HPS1: variants seen among roughly 807,000 people sequenced by gnomAD.
The protein encoded by HPS1 is HPS1 biogenesis of lysosomal organelles complex 3 subunit 1.
A neutral mutation model predicts 90.6 loss-of-function variants in HPS1; 59 were observed. The ratio of observed to expected loss-of-function variants is 0.65; its 90% CI spans 0.53 to 0.81. HPS1 has a LOEUF of 0.81. Ranked by LOEUF, HPS1 falls within the 30% of genes least tolerant of loss-of-function variation. HPS1 has a pLI of 0.00. For missense variants in HPS1, 849 were observed against 896.7 expected (o/e 0.95, Z 0.68); for synonymous variants, 388 against 384.4 (o/e 1.01, Z -0.11).
Position 98,443,180 on chromosome 10 carries a change from C to G in HPS1, c.61G>C (p.Glu21Gln). The change falls in exon 3 of 20, where the codon GAG becomes CAG. Residue 21 changes from glutamate (E) to glutamine (Q), a missense_variant. Transcript: ENST00000361490. Reference sequence around the variant, plus strand: ...TTCAGCCGGAGACTCTCTTCAAACTCCTGATCTGTCCAGTAGAAGAGGACC... The same window carrying G: ...TTCAGCCGGAGACTCTCTTCAAACTGCTGATCTGTCCAGTAGAAGAGGACC... ...AEVLFYWTDQ[E>Q]FEESLRLKFG... 2 of 1,614,134 alleles carry G rather than the reference C, an allele frequency of 1.2e-6. No individual in the cohort carries two copies. The highest frequency in any genetic ancestry group is 1.7e-6 in the Non-Finnish European group (2 of 1,180,016).
downstream of HPS1, among the ~76,000 whole-genome samples, chr10:98,415,775 A>C (rs113195335): frequency 0.36 from 54,837 of 151,952 alleles, 11,066 homozygotes; most frequent in African/African-American, 0.53. Flanking sequence ...TCAAACACAA[A>C]CCCACAACGA....
In HPS1 at chr10:98,435,050, C is replaced by G; in HGVS notation, c.398+222G>C. 3 of 580,772 alleles carry G rather than the reference C, an allele frequency of 5.2e-6. No homozygotes were observed. The highest frequency in any genetic ancestry group is 9.2e-6 in the Non-Finnish European group (3 of 326,708). The allele number at this position is 580,772 out of a possible 1,614,324, so 36.0% of individuals were successfully genotyped here. ...TGTGGCCACCAACCAGCTAGATGAC[C>G]CCAGGCAAGTGAGTTCCATTCTCTG... On this transcript the variant is annotated intron_variant, in intron 5 of 19. Transcript: ENST00000361490. The surrounding 1 kb of genome is among the most constrained non-coding windows in gnomAD (Gnocchi z 4.3).
At position 98,435,325 on chromosome 10, in the gene HPS1, C is replaced by G; in HGVS notation, c.345G>C (p.Leu115=). 1 of 1,614,010 alleles carries G rather than the reference C, an allele frequency of 6.2e-7. No individual in the cohort carries two copies. The highest frequency in any genetic ancestry group is 8.5e-7 in the Non-Finnish European group (1 of 1,180,016). ...LRRKLYVLKY[L]FEVHFGLVTV... ...TCACCAGCCCAAAGTGCACTTCAAA[C>G]AGGTACTTGAGCACATACAGCTTCC... The change falls in exon 5 of 20, where the codon CTG becomes CTC. Residue 115 remains leucine (L), a synonymous_variant. Coordinates refer to ENST00000361490, the MANE Select transcript of HPS1 (RefSeq NM_000195.5). This position sits in a 1 kb window ranked among gnomAD's most constrained non-coding sequence, Gnocchi z 4.3.
At position 98,417,779 on chromosome 10, in the gene HPS1, AGC is replaced by A; in HGVS notation, c.1941-55_1941-54del. The A allele has an allele frequency of 6.4e-7, 1 of 1,558,110 alleles. No homozygotes were observed. The highest frequency in any genetic ancestry group is 8.8e-7 in the Non-Finnish European group (1 of 1,130,524). On this transcript the variant is annotated intron_variant, in intron 19 of 19. Transcript: ENST00000361490. The surrounding 1 kb of genome is among the most constrained non-coding windows in gnomAD (Gnocchi z 4.2). Reference sequence around the variant, plus strand: ...AGGAGTGAGGCTGTGGCACTCCTCCAGCGCCAGAGGCCTCTCTGGGCCCTCGC... The same window carrying A: ...AGGAGTGAGGCTGTGGCACTCCTCCAGCCAGAGGCCTCTCTGGGCCCTCGC...
Position 98,435,202 on chromosome 10 carries a change from T to A in HPS1, c.398+70A>T. On this transcript the variant is annotated intron_variant, in intron 5 of 19. Transcript: ENST00000361490. This position sits in a 1 kb window ranked among gnomAD's most constrained non-coding sequence, Gnocchi z 4.3. ...TGAAAAATGGCAGCTTCACAGGGGC[T>A]GGGCACACGCTGCCTGGCCCAGCGA... 6.3e-7 allele frequency: 1 copy of A among 1,598,888 alleles called. No homozygotes were observed. Among genetic ancestry groups the A allele is most frequent in the Admixed American group, 1.7e-5 (1 of 60,004 alleles).
chr10:98,414,923 G>GGCTCCC (rs1335292571), downstream of HPS1: 1 of 1,541,566 alleles, frequency 6.5e-7, no homozygotes, highest in East Asian at 2.3e-5. Context: ...AGTGGGGCTT[G>GGCTCCC]GCTCCCCCTC....
At chr10:98,436,605 A>G (rs1462611081) in intron 3 of HPS1, among the ~76,000 whole-genome samples, 1 of 150,382 alleles carries the variant, frequency 6.6e-6, no homozygotes, top group African/African-American at 2.5e-5. Flanking sequence ...AAAACAAATA[A>G]ACAAAAACAA....
chr10:98,434,870 A>G (rs17456874), intron 5 of HPS1, among the ~76,000 whole-genome samples: 19,538 of 148,388 alleles, frequency 0.13, 1,523 homozygotes, highest in South Asian at 0.24. Context: ...GACTGTATGA[A>G]TGTGCATGGG....
At position 98,434,028 on chromosome 10, in the gene HPS1, C is replaced by A; in HGVS notation, c.462G>T (p.Trp154Cys). ...CCTGCTCCCGCAGGCGGCTGTAGGT[C>A]CACAGCAGGCTCTGGAAGTGCTCCC... Reference protein sequence around the residue: ...QLWEHFQSLLWTYSRLREQEQ... With the variant: ...QLWEHFQSLLCTYSRLREQEQ... The change falls in exon 6 of 20, where the codon TGG (tryptophan) becomes TGT (cysteine). Residue 154 changes from tryptophan (W) to cysteine (C), a missense_variant. Physicochemically the swap from Trp to Cys is radical, Grantham distance 215 (BLOSUM62 -2). Coordinates refer to ENST00000361490, the MANE Select transcript of HPS1 (RefSeq NM_000195.5). 6.4e-7 allele frequency: 1 copy of A among 1,557,880 alleles called. No homozygotes were observed. The highest frequency in any genetic ancestry group is 8.7e-7 in the Non-Finnish European group (1 of 1,150,730).
chr10:98,418,264 AG>A lies in HPS1; in HGVS notation c.1858-8del. The A allele has an allele frequency of 1.3e-6, 2 of 1,562,830 alleles. No individual in the cohort carries two copies. The highest frequency in any genetic ancestry group is 1.8e-6 in the Non-Finnish European group (2 of 1,138,518). ...TCATCTGGAGTTTGTACCCCTGAGG[AG>A]GGAGGACAGGGAGGCAGTGGGTGTG... On this transcript the variant is annotated splice_polypyrimidine_tract_variant and splice_region_variant and intron_variant, in intron 18 of 19. Transcript: ENST00000361490.
At chr10:98,424,397 G>C (rs1283818998) in intron 13 of HPS1, 23 bp from the exon 14 acceptor site, 47 of 1,607,294 alleles carry the variant, frequency 2.9e-5, no homozygotes, top group Non-Finnish European at 3.9e-5. Flanking sequence ...CAGGGGGCAG[G>C]TTTGCATCCC....
In HPS1 at chr10:98,420,452, G is replaced by A. The variant is rs7090812; in HGVS notation, c.1744-294C>T. 0.03 allele frequency: 11,087 copies of A among 375,376 alleles called. 473 individuals carry two copies. The highest frequency in any genetic ancestry group is 0.1 in the African/African-American group (4,983 of 47,556). The allele number at this position is 375,376 out of a possible 1,614,324, so 23.3% of individuals were successfully genotyped here. A position where few individuals can be genotyped will look rare whatever the true frequency, so the allele number is the denominator to read the frequency against. On this transcript the variant is annotated intron_variant, in intron 17 of 19. Transcript: ENST00000361490. ...GAACTGGGCTAGTGTGGTGGCTTAC[G>A]CCTGTAATCCTAGCACTTTGGGAGG...
chr10:98,423,116 A>T (rs1396790848), intron 16 of HPS1, among the ~76,000 whole-genome samples: 2 of 152,248 alleles, frequency 1.3e-5, no homozygotes, highest in Non-Finnish European at 2.9e-5. Context: ...TCAGTATTCG[A>T]TAAAATTAGT....
At chr10:98,438,428 T>C (rs1005278627) in intron 3 of HPS1, among the ~76,000 whole-genome samples, 1 of 152,166 alleles carries the variant, frequency 6.6e-6, no homozygotes, top group Non-Finnish European at 1.5e-5. Flanking sequence ...GAGGAACTTA[T>C]TTGGAACTGG....
chr10:98,425,814 C>G lies in HPS1; in HGVS notation c.1155+4G>C. ...CATCAGGGCAGGGTGAGGGGCTCTC[C>G]TACCCTGGTCAGGAGCACCAGGTTG... On this transcript the variant is annotated splice_donor_region_variant and intron_variant, in intron 12 of 19. Transcript: ENST00000361490. 6.2e-7 allele frequency: 1 copy of G among 1,613,362 alleles called. No homozygotes were observed. Among genetic ancestry groups the G allele is most frequent in the African/African-American group, 1.3e-5 (1 of 75,054 alleles).
In HPS1 at chr10:98,445,140, G is replaced by C. The variant is rs1301041907; in HGVS notation, c.-1+160C>G. 6.6e-6 allele frequency among the ~76,000 whole-genome samples: 1 copy of C among 152,154 alleles called. No homozygotes were observed. The highest frequency in any genetic ancestry group is 6.5e-5 in the Admixed American group (1 of 15,282). ...TGAAGGAGAGATGAGGCATCAGGATGGGGGTGGCCTCAGGATGCAGGGCTG... is the reference window on the plus strand; with the variant it reads ...TGAAGGAGAGATGAGGCATCAGGATCGGGGTGGCCTCAGGATGCAGGGCTG... On this transcript the variant is annotated intron_variant, in intron 2 of 19. Transcript: ENST00000361490. This position sits in a 1 kb window ranked among gnomAD's most constrained non-coding sequence, Gnocchi z 4.5.
chr10:98,426,287 T>G (rs1050952239), intron 11 of HPS1, among the ~76,000 whole-genome samples: 1 of 152,088 alleles, frequency 6.6e-6, no homozygotes. Flanking sequence ...CACTCGTGGA[T>G]GGGGAGTGGA....
intron 11 of HPS1, 110 bp downstream of exon 11, chr10:98,427,105 G>A: frequency 1.1e-6 from 1 of 880,832 alleles, no homozygotes; most frequent in South Asian, 1.6e-5. Context: ...TGGGCAGGAG[G>A]AGGGCTGGCA....
At position 98,417,787 on chromosome 10, in the gene HPS1, AGGCC is replaced by A; in HGVS notation, c.1941-65_1941-62del. ...GGCTGTGGCACTCCTCCAGCGCCAG[AGGCC>A]TCTCTGGGCCCTCGCAAGCAAATGC... is the stretch of plus-strand genomic sequence containing the variant. On this transcript the variant is annotated intron_variant, in intron 19 of 19. Transcript: ENST00000361490. The surrounding 1 kb of genome is among the most constrained non-coding windows in gnomAD (Gnocchi z 4.2). The A allele has an allele frequency of 6.5e-7, 1 of 1,532,168 alleles. No individual in the cohort carries two copies. 94.9% of individuals were successfully genotyped at this position (1,532,168 alleles called of 1,614,324 possible).
Sources: gnomAD v4.1 joint callset for allele counts (sites outside exome capture counted in the v4.1 genomes callset) on GRCh38, gnomAD v4.1.1 for gene constraint, Gnocchi (gnomAD v3.1) non-coding constraint, MANE v1.5 for transcripts, NCBI Gene and HGNC (gene_info 2026-07-23, HGNC 2026-07-21) for gene names.